The following SUGCT variants were observed in gnomAD, a reference collection of about 807,000 sequenced individuals.
SUGCT encodes succinyl-CoA:glutarate-CoA transferase.
In SUGCT, 41 loss-of-function variants were observed where a neutral mutation model predicts 55.0. The observed-to-expected ratio is 0.74, with a 90% confidence interval of 0.58 to 0.97. The LOEUF is 0.97. SUGCT is among the 50% of genes least tolerant of loss of function. The pLI is 0.00. For missense variants in SUGCT, 568 were observed against 547.8 expected (o/e 1.04, Z -0.37); for synonymous variants, 187 against 200.4 (o/e 0.93, Z 0.56).
At chr7:40,313,134 T>A (rs541410059) in intron 8 of SUGCT, among the ~76,000 whole-genome samples, 1 of 152,324 alleles carries the variant, frequency 6.6e-6, no homozygotes, top group African/African-American at 2.4e-5. Context: ...CTCTGTTATC[T>A]AAAATAATAG....
intron 9 of SUGCT, among the ~76,000 whole-genome samples, chr7:40,363,019 C>G (rs1258678703): frequency 6.6e-6 from 1 of 152,176 alleles, no homozygotes; most frequent in Non-Finnish European, 1.5e-5. Flanking sequence ...AGAGATTCAA[C>G]TTCTTCCTGG....
chr7:40,653,442 A>G (rs930980527), intron 12 of SUGCT, among the ~76,000 whole-genome samples: 2 of 152,070 alleles, frequency 1.3e-5, no homozygotes, highest in Non-Finnish European at 2.9e-5. Flanking sequence ...AATTTATAGC[A>G]TGTTATGAAT....
chr7:40,307,811 A>AT (rs1264279514), intron 8 of SUGCT, among the ~76,000 whole-genome samples: 3 of 98,472 alleles, frequency 3.0e-5, no homozygotes, highest in Non-Finnish European at 8.1e-5. Context: ...GTTATTCTGA[A>AT]AAAACTGTTC....
At chr7:40,959,746 T>C in the SUGCT span, among the ~76,000 whole-genome samples, 3 of 150,750 alleles carry the variant, frequency 2.0e-5, no homozygotes, top group Non-Finnish European at 2.9e-5. Context: ...ACAGCTAGCT[T>C]GGTGTCTGCC....
chr7:40,706,914 G>C (rs1388168492), intron 12 of SUGCT, among the ~76,000 whole-genome samples: 1 of 152,168 alleles, frequency 6.6e-6, no homozygotes, highest in East Asian at 1.9e-4. Context: ...ACTTTGCTCA[G>C]GATGAGCAGT....
intron 9 of SUGCT, among the ~76,000 whole-genome samples, chr7:40,348,700 CT>C (rs1340168372): frequency 6.6e-6 from 1 of 151,334 alleles, no homozygotes; most frequent in Non-Finnish European, 1.5e-5. Context: ...ATTTTTGCTC[CT>C]TTTCTTCTTC....
intron 7 of SUGCT, among the ~76,000 whole-genome samples, chr7:40,241,499 A>C (rs1789387897): frequency 6.6e-6 from 1 of 151,854 alleles, no homozygotes; most frequent in Non-Finnish European, 1.5e-5. Context: ...GAATTGGTTG[A>C]ACCCGGGAGG....
At chr7:40,608,462 G>A (rs1293409805) in intron 12 of SUGCT, among the ~76,000 whole-genome samples, 1 of 152,186 alleles carries the variant, frequency 6.6e-6, no homozygotes, top group African/African-American at 2.4e-5. Flanking sequence ...GCCAAAGTAT[G>A]AGTAACACAT....
chr7:40,635,417 T>C (rs1237693524), intron 12 of SUGCT, among the ~76,000 whole-genome samples: 1 of 151,968 alleles, frequency 6.6e-6, no homozygotes, highest in African/African-American at 2.4e-5. Context: ...AACTGAGACA[T>C]GAAATACAGG....
intron 13 of SUGCT, among the ~76,000 whole-genome samples, chr7:40,772,280 G>GT (rs1445771422): frequency 6.6e-6 from 1 of 151,960 alleles, no homozygotes; most frequent in East Asian, 1.9e-4. Context: ...CAGCCCATAC[G>GT]TAAGTCTTGC....
intron 12 of SUGCT, among the ~76,000 whole-genome samples, chr7:40,686,064 G>A (rs572336572): frequency 6.6e-6 from 1 of 152,266 alleles, no homozygotes; most frequent in East Asian, 1.9e-4. Context: ...GAATGAAAGA[G>A]CATCCTGTTT....
At chr7:41,009,071 C>T in the SUGCT span, among the ~76,000 whole-genome samples, 13 of 151,868 alleles carry the variant, frequency 8.6e-5, no homozygotes, top group South Asian at 6.2e-4. Flanking sequence ...GCAATTTAGC[C>T]GGGTATGGTG....
chr7:40,826,038 A>G (rs1429314296), intron 13 of SUGCT, among the ~76,000 whole-genome samples: 1 of 152,248 alleles, frequency 6.6e-6, no homozygotes, highest in Non-Finnish European at 1.5e-5. Flanking sequence ...ACTTAAGCTC[A>G]AAATGTAAAA....
the SUGCT span, among the ~76,000 whole-genome samples, chr7:40,920,662 A>G: frequency 1.3e-5 from 2 of 152,300 alleles, no homozygotes; most frequent in Admixed American, 1.3e-4. Context: ...CTAAACAGGA[A>G]AATCATCCTC....
intron 7 of SUGCT, among the ~76,000 whole-genome samples, chr7:40,257,007 G>A (rs1790854990): frequency 6.6e-6 from 1 of 152,052 alleles, no homozygotes; most frequent in South Asian, 2.1e-4. Flanking sequence ...GCCTCCTAAA[G>A]TGCTGGGATT....
the SUGCT span, among the ~76,000 whole-genome samples, chr7:40,885,052 A>G: frequency 6.6e-6 from 1 of 152,204 alleles, no homozygotes; most frequent in Non-Finnish European, 1.5e-5. Flanking sequence ...AAAAATAAAC[A>G]TCAGATCACC....
At chr7:40,346,184 T>C (rs189598228) in intron 9 of SUGCT, among the ~76,000 whole-genome samples, 4 of 152,180 alleles carry the variant, frequency 2.6e-5, no homozygotes, top group Non-Finnish European at 1.5e-5. Flanking sequence ...TTTGAATGGA[T>C]AGATTTTAAA....
chr7:40,306,730 A>G (rs914301499), intron 8 of SUGCT, among the ~76,000 whole-genome samples: 1 of 152,190 alleles, frequency 6.6e-6, no homozygotes, highest in East Asian at 1.9e-4. Context: ...TCTGTCATTA[A>G]ATGTTGTTTT....
chr7:40,810,306 T>C (rs923764892), intron 13 of SUGCT, among the ~76,000 whole-genome samples: 3 of 152,128 alleles, frequency 2.0e-5, no homozygotes, highest in Non-Finnish European at 4.4e-5. Flanking sequence ...CTAGGTCAAA[T>C]GGAAGCTCTG....
Sources: allele counts gnomAD v4.1 joint callset (sites outside exome capture counted in the v4.1 genomes callset), GRCh38; gene constraint gnomAD v4.1.1; transcripts MANE v1.5; gene names NCBI Gene and HGNC (gene_info 2026-07-23, HGNC 2026-07-21).